The following HUNK variants were observed in gnomAD, a reference collection of about 807,000 sequenced individuals.
HUNK encodes hormonally up-regulated neu tumor-associated kinase.
A neutral mutation model predicts 61.0 loss-of-function variants in HUNK; 21 were observed. The observed-to-expected ratio is 0.34, with a 90% CI of 0.24 to 0.50. The LOEUF (loss-of-function observed/expected upper bound fraction) is 0.50. Among genes scored for constraint, HUNK ranks in the 20% least tolerant of loss-of-function variants. The pLI is 0.98. For synonymous variants in HUNK, 371 were observed against 386.1 expected (o/e 0.96, Z 0.46); for missense variants, 772 against 945.7 (o/e 0.82, Z 2.41).
chr21:31,987,969 CG>C (rs1568942300), intron 8 of HUNK, among the ~76,000 whole-genome samples: 1 of 152,172 alleles, frequency 6.6e-6, no homozygotes, highest in Non-Finnish European at 1.5e-5. Context: ...GTCATCAACC[CG>C]TGTCCCGGGC....
intron 1 of HUNK, among the ~76,000 whole-genome samples, chr21:31,920,441 C>T (rs1601378664): frequency 6.6e-6 from 1 of 152,164 alleles, no homozygotes; most frequent in East Asian, 1.9e-4. Flanking sequence ...GGCCTTTAGA[C>T]TTGTTTGTTT....
Position 31,915,979 on chromosome 21 carries a change from AT to A in HUNK, c.262-8488del, listed in dbSNP as rs2052578647. On this transcript the variant is annotated intron_variant, in intron 1 of 10. Coordinates refer to ENST00000270112, the MANE Select transcript of HUNK (RefSeq NM_014586.2). Reference sequence around the variant, plus strand: ...TTGATTCATTGAAAGTAAATTGGTAATGATAATAACAGCATCAATTTAAGGA... The same window carrying A: ...TTGATTCATTGAAAGTAAATTGGTAAGATAATAACAGCATCAATTTAAGGA... 9.3e-5 allele frequency among the ~76,000 whole-genome samples: 14 copies of A among 151,148 alleles called. No homozygotes were observed. In the South Asian group the frequency reaches 2.9e-3, roughly 32 times the overall value.
In HUNK at chr21:31,873,803, C is replaced by A; in HGVS notation, c.129C>A (p.Gly43=). 1 of 1,566,460 alleles carries A rather than the reference C, an allele frequency of 6.4e-7. No individual in the cohort carries two copies. Residue 43 remains glycine, a synonymous_variant, in exon 1 of 11, where the codon GGC becomes GGA. Transcript: ENST00000270112. This position sits in a 1 kb window ranked among gnomAD's most constrained non-coding sequence, Gnocchi z 6.1. The part of the protein sequence containing the change: ...EGSFLPAWVS[G]VPRERLRDFQ... ...GTTTCCTGCCTGCCTGGGTGAGCGG[C>A]GTGCCCCGCGAGCGGCTCCGCGACT...
rs1411922068 is a variant in HUNK at position 31,924,771 on chromosome 21, G to A, written c.554+11G>A. The A allele has an allele frequency of 6.3e-7, 1 of 1,581,490 alleles. No homozygotes were observed. On this transcript the variant is annotated intron_variant, in intron 2 of 10. Transcript: ENST00000270112. This position sits in a 1 kb window ranked among gnomAD's most constrained non-coding sequence, Gnocchi z 5.1. ...CGGGGTGGTCCACAGGTAAGGGCCA[G>A]GCCACGCTGGTGATCGCTGACTGTG... is the stretch of plus-strand genomic sequence containing the variant.
At chr21:31,959,122 G>A (rs760641607) in intron 5 of HUNK, 152 bp downstream of exon 5, 4 of 765,452 alleles carry the variant, frequency 5.2e-6, no homozygotes, top group Non-Finnish European at 7.5e-6. Flanking sequence ...AGTGTCAAGG[G>A]GTGGTTGGGT....
chr21:31,936,056 C>T (rs981992411), intron 2 of HUNK, among the ~76,000 whole-genome samples: 2 of 152,146 alleles, frequency 1.3e-5, no homozygotes, highest in African/African-American at 2.4e-5. Flanking sequence ...CTCAGCTTCC[C>T]AAAGTGCTGG....
intron 1 of HUNK, among the ~76,000 whole-genome samples, chr21:31,889,064 A>G (rs1177627764): frequency 6.6e-6 from 1 of 152,154 alleles, no homozygotes; most frequent in Non-Finnish European, 1.5e-5. Context: ...TTTGAATCAC[A>G]TCGTGAAGCT....
At chr21:31,876,774 G>T (rs2052265535) in intron 1 of HUNK, among the ~76,000 whole-genome samples, 1 of 152,024 alleles carries the variant, frequency 6.6e-6, no homozygotes, top group Admixed American at 6.6e-5. Flanking sequence ...TGTACATTTT[G>T]GATTTAGAAT....
At chr21:31,982,308 G>A (rs546840754) in intron 7 of HUNK, among the ~76,000 whole-genome samples, 1 of 152,274 alleles carries the variant, frequency 6.6e-6, no homozygotes, top group East Asian at 1.9e-4. Context: ...CATACTCTAG[G>A]CGAGTGGCTG....
intron 5 of HUNK, among the ~76,000 whole-genome samples, chr21:31,959,620 A>C (rs2052913772): frequency 6.6e-6 from 1 of 152,182 alleles, no homozygotes; most frequent in Non-Finnish European, 1.5e-5. Flanking sequence ...TTCACAATTC[A>C]AGTCCTGGCC....
intron 1 of HUNK, among the ~76,000 whole-genome samples, chr21:31,894,710 C>A (rs1390470529): frequency 1.3e-5 from 2 of 152,164 alleles, no homozygotes; most frequent in Non-Finnish European, 2.9e-5. Context: ...CAAAGGCTTC[C>A]TGTTTGAATG....
chr21:31,969,794 T>C (rs1231594845), intron 6 of HUNK, among the ~76,000 whole-genome samples: 1 of 152,134 alleles, frequency 6.6e-6, no homozygotes, highest in Non-Finnish European at 1.5e-5. Flanking sequence ...CTCAAACTCC[T>C]GGGCTCAAGT....
intron 2 of HUNK, among the ~76,000 whole-genome samples, chr21:31,939,907 C>G (rs1200317558): frequency 6.6e-6 from 1 of 151,906 alleles, no homozygotes; most frequent in African/African-American, 2.4e-5. Flanking sequence ...CTTGCTTTTT[C>G]CAGAAACTTT....
At chr21:31,968,205 G>T (rs747591415) in intron 5 of HUNK, 45 bp from the exon 6 acceptor site, 1 of 1,612,196 alleles carries the variant, frequency 6.2e-7, no homozygotes, top group Non-Finnish European at 8.5e-7. Context: ...TGGTGTCTGC[G>T]TTCAGCCTGT....
Position 31,883,402 on chromosome 21 carries a change from C to T in HUNK, c.261+9467C>T, listed in dbSNP as rs553970133. Among the ~76,000 whole-genome samples the T allele has an allele frequency of 2.6e-5, 4 of 152,090 alleles. 1 individual carries two copies. The highest frequency in any genetic ancestry group is 9.6e-5 in the African/African-American group (4 of 41,486). On this transcript the variant is annotated intron_variant, in intron 1 of 10. Transcript: ENST00000270112. ...ATGGGAATTGAGTATATTTTCATACCTTCTCAACTGTTTGTACTTCATTTC... is the reference window on the plus strand; with the variant it reads ...ATGGGAATTGAGTATATTTTCATACTTTCTCAACTGTTTGTACTTCATTTC...
intron 4 of HUNK, among the ~76,000 whole-genome samples, chr21:31,955,107 T>A (rs2052879409): frequency 6.6e-6 from 1 of 152,064 alleles, no homozygotes; most frequent in Non-Finnish European, 1.5e-5. Context: ...TTTCAACAAG[T>A]TCTCAGGTAG....
At chr21:31,898,703 T>C (rs1422267024) in intron 1 of HUNK, among the ~76,000 whole-genome samples, 1 of 151,764 alleles carries the variant, frequency 6.6e-6, no homozygotes, top group African/African-American at 2.4e-5. Flanking sequence ...TGTTGTGGAG[T>C]GGGGTGGAAC....
chr21:31,996,675 T>A (rs2053208284), intron 10 of HUNK, among the ~76,000 whole-genome samples: 1 of 152,128 alleles, frequency 6.6e-6, no homozygotes, highest in East Asian at 1.9e-4. Context: ...AGGTTCTTAT[T>A]ACTGAGGGGG....
intron 1 of HUNK, among the ~76,000 whole-genome samples, chr21:31,884,263 A>G: frequency 6.6e-6 from 1 of 152,102 alleles, no homozygotes; most frequent in East Asian, 1.9e-4. Context: ...GTGCCCTTAT[A>G]AAAGGTGCCT....
Sources: allele counts gnomAD v4.1 joint callset (sites outside exome capture counted in the v4.1 genomes callset), GRCh38; gene constraint gnomAD v4.1.1; non-coding constraint Gnocchi (gnomAD v3.1); transcripts MANE v1.5; gene names NCBI Gene and HGNC (gene_info 2026-07-23, HGNC 2026-07-21).